Variants in PDE4D observed in about 807,000 individuals in gnomAD.
The protein encoded by PDE4D is phosphodiesterase 4D.
A neutral mutation model predicts 87.4 loss-of-function variants in PDE4D; 24 were observed. That is an observed-to-expected ratio of 0.27 (90% CI 0.20 to 0.39). PDE4D has a LOEUF of 0.39. PDE4D is among the 10% of genes least tolerant of loss of function. The pLI is 1.00. For missense variants in PDE4D, 714 were observed against 1,041.0 expected (o/e 0.69, Z 4.32); for synonymous variants, 384 against 383.2 (o/e 1.00, Z -0.02).
chr5:59,996,141 C>T (rs1390705372), intron 2 of PDE4D, among the ~76,000 whole-genome samples: 1 of 152,106 alleles, frequency 6.6e-6, no homozygotes, highest in Non-Finnish European at 1.5e-5. Flanking sequence ...GTATTTTCAC[C>T]TATTTTGTTT....
At chr5:60,013,519 CTG>C (rs1190509353) in intron 2 of PDE4D, among the ~76,000 whole-genome samples, 1 of 152,082 alleles carries the variant, frequency 6.6e-6, no homozygotes, top group East Asian at 1.9e-4. Flanking sequence ...CTAGTAGCAT[CTG>C]TGTCATGTTT....
At chr5:60,322,162 C>T (rs1300402171) in intron 1 of PDE4D, among the ~76,000 whole-genome samples, 8 of 152,042 alleles carry the variant, frequency 5.3e-5, no homozygotes, top group East Asian at 1.9e-4. Flanking sequence ...CCTAAATGTC[C>T]ATCAGTGGTG....
At chr5:60,090,704 G>A (rs1775031803) in intron 2 of PDE4D, among the ~76,000 whole-genome samples, 1 of 152,084 alleles carries the variant, frequency 6.6e-6, no homozygotes, top group Non-Finnish European at 1.5e-5. Flanking sequence ...ACGATACAAA[G>A]TGCATCTAAA....
At chr5:59,741,063 A>G (rs940207550) in intron 1 of PDE4D, among the ~76,000 whole-genome samples, 8 of 152,168 alleles carry the variant, frequency 5.3e-5, no homozygotes, top group Admixed American at 2.0e-4. Context: ...AAACCTCAAG[A>G]GGGCACTGAG....
At chr5:60,403,208 C>T (rs1401738916) in intron 1 of PDE4D, among the ~76,000 whole-genome samples, 1 of 152,186 alleles carries the variant, frequency 6.6e-6, no homozygotes, top group African/African-American at 2.4e-5. Flanking sequence ...CACACAATAG[C>T]TTAGTGTGTT....
intron 1 of PDE4D, among the ~76,000 whole-genome samples, chr5:59,304,361 T>G (rs181119042): frequency 1.3e-4 from 20 of 152,210 alleles, no homozygotes; most frequent in African/African-American, 4.3e-4. Flanking sequence ...TTTGACTTCC[T>G]CTTTACCGAT....
chr5:60,097,569 ATTTG>A (rs1775804059), intron 2 of PDE4D, among the ~76,000 whole-genome samples: 1 of 152,034 alleles, frequency 6.6e-6, no homozygotes. Flanking sequence ...GATATTCTCT[ATTTG>A]AGTATCTGAG....
intron 1 of PDE4D, among the ~76,000 whole-genome samples, chr5:59,372,156 G>T (rs971981035): frequency 1.3e-5 from 2 of 152,134 alleles, no homozygotes; most frequent in African/African-American, 2.4e-5. Flanking sequence ...GCTTAAATAA[G>T]CCAAGTCATC....
chr5:59,696,337 A>G (rs1163557838), intron 1 of PDE4D, among the ~76,000 whole-genome samples: 1 of 152,208 alleles, frequency 6.6e-6, no homozygotes, highest in Non-Finnish European at 1.5e-5. Context: ...CCATCAAATG[A>G]CTACTATAAT....
At chr5:59,584,272 G>A (rs776436879) in intron 1 of PDE4D, among the ~76,000 whole-genome samples, 2 of 152,170 alleles carry the variant, frequency 1.3e-5, no homozygotes, top group Non-Finnish European at 2.9e-5. Context: ...CAAGAACCAA[G>A]CACAAAATTA....
At chr5:59,097,664 T>C (rs1297969231) in intron 5 of PDE4D, among the ~76,000 whole-genome samples, 7 of 152,220 alleles carry the variant, frequency 4.6e-5, no homozygotes, top group Non-Finnish European at 8.8e-5. Flanking sequence ...AAGCAAACTT[T>C]GAGCACTAAC....
chr5:59,718,792 TCTCC>T (rs1376518109), intron 1 of PDE4D, among the ~76,000 whole-genome samples: 2 of 152,164 alleles, frequency 1.3e-5, no homozygotes, highest in Non-Finnish European at 1.5e-5. Flanking sequence ...ATGGCAATAT[TCTCC>T]CTGTCTTTCA....
chr5:59,999,773 G>A (rs547006301), intron 2 of PDE4D, among the ~76,000 whole-genome samples: 184 of 151,966 alleles, frequency 1.2e-3, no homozygotes, highest in African/African-American at 4.2e-3. Flanking sequence ...ATGTTACTTG[G>A]CAAATAATTA....
intron 1 of PDE4D, among the ~76,000 whole-genome samples, chr5:59,732,535 A>G (rs1323519216): frequency 6.6e-6 from 1 of 152,020 alleles, no homozygotes; most frequent in Non-Finnish European, 1.5e-5. Context: ...CATTGAACTA[A>G]ATTCACAAAT....
intron 1 of PDE4D, among the ~76,000 whole-genome samples, chr5:59,373,190 T>C (rs907696184): frequency 2.0e-5 from 3 of 151,936 alleles, no homozygotes; most frequent in African/African-American, 7.3e-5. Context: ...ATGGCTGAAA[T>C]GACAGAAATA....
chr5:59,376,585 A>G (rs920703901), intron 1 of PDE4D, among the ~76,000 whole-genome samples: 3 of 152,206 alleles, frequency 2.0e-5, no homozygotes, highest in African/African-American at 7.2e-5. Context: ...GAAAGAATCC[A>G]TATTGTTAAA....
chr5:59,999,859 C>T (rs1424885991), intron 2 of PDE4D, among the ~76,000 whole-genome samples: 1 of 151,850 alleles, frequency 6.6e-6, no homozygotes, highest in Non-Finnish European at 1.5e-5. Flanking sequence ...GAAAATGATG[C>T]AGGAACAAAA....
chr5:59,810,845 C>T (rs992683276), intron 1 of PDE4D, among the ~76,000 whole-genome samples: 1 of 152,148 alleles, frequency 6.6e-6, no homozygotes, highest in Non-Finnish European at 1.5e-5. Flanking sequence ...TGGATTTGGG[C>T]AACAGCTGAA....
intron 1 of PDE4D, among the ~76,000 whole-genome samples, chr5:60,222,883 CT>C (rs1339660196): frequency 6.6e-6 from 1 of 152,054 alleles, no homozygotes; most frequent in Non-Finnish European, 1.5e-5. Flanking sequence ...CAGGTTTTTG[CT>C]GTCAAAACTT....
Sources: allele counts gnomAD v4.1 joint callset (sites outside exome capture counted in the v4.1 genomes callset), GRCh38; gene constraint gnomAD v4.1.1; transcripts MANE v1.5; gene names NCBI Gene and HGNC (gene_info 2026-07-23, HGNC 2026-07-21).